The following KCNIP1 variants were observed in gnomAD, a reference collection of about 807,000 sequenced individuals.
The protein encoded by KCNIP1 is A-type potassium channel modulatory protein KCNIP1.
In KCNIP1, 18 loss-of-function variants were observed where a neutral mutation model predicts 33.0. The observed-to-expected ratio is 0.55, with a 90% CI of 0.38 to 0.81. The LOEUF is 0.81. Among genes scored for constraint, KCNIP1 ranks in the 30% least tolerant of loss-of-function variants. The pLI is 0.00. For synonymous variants in KCNIP1, 93 were observed against 98.3 expected (o/e 0.95, Z 0.32); for missense variants, 238 against 271.6 (o/e 0.88, Z 0.87).
chr5:170,657,645 G>A (rs1367119165), intron 1 of KCNIP1, among the ~76,000 whole-genome samples: 3 of 152,148 alleles, frequency 2.0e-5, no homozygotes, highest in Non-Finnish European at 4.4e-5. Flanking sequence ...CATCCCCTAA[G>A]ATCTGCAACT....
intron 1 of KCNIP1, chr5:170,378,602 G>A (rs1387030071): frequency 5.0e-6 from 6 of 1,212,076 alleles, no homozygotes; most frequent in African/African-American, 1.5e-5. Flanking sequence ...GGAAGAGTGG[G>A]AGGGCAGGTG....
chr5:170,597,789 ATATAT>A (rs1561708577), intron 1 of KCNIP1, among the ~76,000 whole-genome samples: 26 of 2,282 alleles, frequency 0.011, no homozygotes, highest in African/African-American at 0.013. Context: ...AGATAAATAT[ATATAT>A]ATATATATAT....
chr5:170,697,215 C>T (rs1041943811), intron 1 of KCNIP1, among the ~76,000 whole-genome samples: 1 of 152,178 alleles, frequency 6.6e-6, no homozygotes, highest in Non-Finnish European at 1.5e-5. Context: ...CCCCTTTCCC[C>T]TGCCCCCATC....
At chr5:170,697,344 C>G (rs1246260301) in intron 1 of KCNIP1, among the ~76,000 whole-genome samples, 1 of 152,182 alleles carries the variant, frequency 6.6e-6, no homozygotes, top group Non-Finnish European at 1.5e-5. Flanking sequence ...GGAACAAGGA[C>G]CACACCTGTC....
chr5:170,527,309 AG>A (rs1755615886), intron 1 of KCNIP1, among the ~76,000 whole-genome samples: 1 of 152,224 alleles, frequency 6.6e-6, no homozygotes, highest in Non-Finnish European at 1.5e-5. Flanking sequence ...AAGAGACTTG[AG>A]TCAACTAAGC....
chr5:170,585,028 A>G (rs1320610586), intron 1 of KCNIP1, among the ~76,000 whole-genome samples: 3 of 152,180 alleles, frequency 2.0e-5, no homozygotes, highest in Non-Finnish European at 4.4e-5. Context: ...GGAAGTAGAC[A>G]CTACTAGTAC....
chr5:170,646,041 C>T (rs767060801), intron 1 of KCNIP1, among the ~76,000 whole-genome samples: 3 of 152,170 alleles, frequency 2.0e-5, no homozygotes, highest in East Asian at 1.9e-4. Flanking sequence ...TGCCAAAATT[C>T]GCACAAGAAG....
At chr5:170,692,019 A>G (rs1289171028) in intron 1 of KCNIP1, among the ~76,000 whole-genome samples, 1 of 152,188 alleles carries the variant, frequency 6.6e-6, no homozygotes, top group Admixed American at 6.5e-5. Context: ...TGGCTTCCCC[A>G]GGGAGACATT....
chr5:170,706,068 C>T (rs1348565280), intron 1 of KCNIP1, among the ~76,000 whole-genome samples: 2 of 152,148 alleles, frequency 1.3e-5, no homozygotes, highest in Admixed American at 6.5e-5. Flanking sequence ...GCTCTCTGAG[C>T]TCACCAAGAC....
chr5:170,663,556 C>T lies in KCNIP1; in HGVS notation c.62-55202C>T, dbSNP rs541553235. Among the ~76,000 whole-genome samples, 3 of 152,266 alleles carry T rather than the reference C, an allele frequency of 2.0e-5. No homozygotes were observed. The South Asian group carries it at 6.2e-4, about 32-fold the overall frequency. On this transcript the variant is annotated intron_variant, in intron 1 of 7. Transcript: ENST00000328939. ...AACAGAAAGAAAATGTTCTGGATTT[C>T]TCATCAAATGCCCCTAGCCTGAGAA...
At chr5:170,554,987 G>A (rs1244374980) in intron 1 of KCNIP1, among the ~76,000 whole-genome samples, 2 of 152,182 alleles carry the variant, frequency 1.3e-5, no homozygotes, top group South Asian at 2.1e-4. Context: ...TGAGAAGCTG[G>A]CTGGCGAGGA....
chr5:170,473,595 G>A (rs944204834), intron 1 of KCNIP1, among the ~76,000 whole-genome samples: 3 of 152,082 alleles, frequency 2.0e-5, no homozygotes, highest in Admixed American at 1.3e-4. Flanking sequence ...GCAGAGGTTC[G>A]GCTGAGCACC....
At chr5:170,668,540 T>A (rs1761794727) in intron 1 of KCNIP1, among the ~76,000 whole-genome samples, 1 of 152,196 alleles carries the variant, frequency 6.6e-6, no homozygotes, top group Non-Finnish European at 1.5e-5. Flanking sequence ...GTAATTGCTC[T>A]CTTGCGTTTA....
At chr5:170,420,788 A>G (rs575720239) in intron 1 of KCNIP1, among the ~76,000 whole-genome samples, 1 of 151,874 alleles carries the variant, frequency 6.6e-6, no homozygotes, top group African/African-American at 2.4e-5. Context: ...ATAGTCATTC[A>G]TGAAATACTG....
intron 1 of KCNIP1, among the ~76,000 whole-genome samples, chr5:170,472,080 G>A (rs1423534310): frequency 1.3e-5 from 2 of 152,126 alleles, no homozygotes; most frequent in African/African-American, 4.8e-5. Flanking sequence ...CAGACGCTGA[G>A]GATGGGATGG....
chr5:170,505,665 T>G (rs1561656711), intron 1 of KCNIP1, among the ~76,000 whole-genome samples: 1 of 152,236 alleles, frequency 6.6e-6, no homozygotes, highest in East Asian at 1.9e-4. Flanking sequence ...AAGTCTCCTC[T>G]TAGAACTTGG....
intron 1 of KCNIP1, among the ~76,000 whole-genome samples, chr5:170,574,116 A>G (rs1349205087): frequency 1.1e-4 from 16 of 152,372 alleles, no homozygotes; most frequent in Middle Eastern, 3.4e-3. Flanking sequence ...AGGAGGACTC[A>G]GGCACTTAGA....
At chr5:170,468,594 C>A (rs928158485) in intron 1 of KCNIP1, among the ~76,000 whole-genome samples, 4 of 152,030 alleles carry the variant, frequency 2.6e-5, no homozygotes, top group African/African-American at 9.7e-5. Flanking sequence ...TAAAAAATAT[C>A]ATTAGGCCAG....
intron 1 of KCNIP1, chr5:170,561,050 C>T (rs1226114429): frequency 2.0e-5 from 9 of 454,132 alleles, no homozygotes; most frequent in Non-Finnish European, 3.5e-5. Flanking sequence ...GGAGCCCAGC[C>T]TCCTGGCTGG....
Sources: allele counts gnomAD v4.1 joint callset (sites outside exome capture counted in the v4.1 genomes callset), GRCh38; gene constraint gnomAD v4.1.1; transcripts MANE v1.5; gene names NCBI Gene and HGNC (gene_info 2026-07-23, HGNC 2026-07-21).